Variants in RAET1E observed in about 807,000 individuals in gnomAD.
The protein encoded by RAET1E is retinoic acid early transcript 1E, also known as NKG2D ligand 4.
RAET1E carries 27 observed loss-of-function variants against 21.1 expected under a neutral mutation model. The observed-to-expected ratio is 1.28, with a 90% confidence interval of 0.94 to 1.76. RAET1E has a LOEUF of 1.76. Among genes scored for constraint, RAET1E ranks in the 40% most tolerant of loss-of-function variants. The probability of loss-of-function intolerance (pLI) is 0.00; values close to 1 mark genes in which losing one functional copy is unlikely to be tolerated. For synonymous variants in RAET1E, 113 were observed against 115.0 expected (o/e 0.98, Z 0.11); for missense variants, 310 against 311.3 (o/e 1.00, Z 0.03).
rs1294413804 is a variant in RAET1E, at chr6:149,889,627, C to T, written c.347-4G>A. On this transcript the variant is annotated splice_region_variant and splice_polypyrimidine_tract_variant and intron_variant, in intron 4 of 5. Transcript: ENST00000357183. ...TCGACTTGCAGAGTGGAAGGATCTGCAATCCAAACACAAAGCCATCATCCT... is the reference window on the plus strand; with the variant it reads ...TCGACTTGCAGAGTGGAAGGATCTGTAATCCAAACACAAAGCCATCATCCT... The T allele has an allele frequency of 6.2e-7, 1 of 1,613,570 alleles. No homozygotes were observed. Among genetic ancestry groups the T allele is most frequent in the South Asian group, 1.1e-5 (1 of 91,004 alleles).
At chr6:149,893,100 G>A (rs1777977268) in intron 2 of RAET1E, among the ~76,000 whole-genome samples, 2 of 152,158 alleles carry the variant, frequency 1.3e-5, no homozygotes, top group Non-Finnish European at 2.9e-5. Context: ...TTTGGTTACT[G>A]TAGACTTGTA....
rs144320919 is a variant in RAET1E at position 149,895,228 on chromosome 6, C to T, written c.-134+618G>A. 8.0e-3 allele frequency among the ~76,000 whole-genome samples: 1,226 copies of T among 152,338 alleles called. 11 individuals are homozygous for T. Among genetic ancestry groups the T allele is most frequent in the African/African-American group, 0.027 (1,120 of 41,576 alleles). On this transcript the variant is annotated intron_variant, in intron 2 of 5. Coordinates refer to ENST00000357183, the MANE Select transcript of RAET1E (RefSeq NM_001394057.1). ...TGGGAGGTGTCTCCCAGTCAGTATA[C>T]GTGGGTGTCAGGCACCCACTTGAGG...
At chr6:149,894,872 T>C (rs576037234) in intron 2 of RAET1E, among the ~76,000 whole-genome samples, 6 of 152,326 alleles carry the variant, frequency 3.9e-5, no homozygotes, top group Non-Finnish European at 7.3e-5. Context: ...TTTTGGAATT[T>C]TCAGGCTTTG....
intron 2 of RAET1E, among the ~76,000 whole-genome samples, chr6:149,892,278 G>A (rs1203360413): frequency 6.6e-6 from 1 of 152,200 alleles, no homozygotes; most frequent in Non-Finnish European, 1.5e-5. Context: ...GTAAGGAATT[G>A]CCACACTGTC....
Position 149,889,920 on chromosome 6 carries a change from A to G in RAET1E, c.311T>C (p.Leu104Pro). Residue 104 changes from leucine to proline, a missense_variant, in exon 4 of 6, where the codon CTC becomes CCC. Physicochemically the swap from Leu to Pro is moderately conservative, Grantham distance 98. Coordinates refer to ENST00000357183, the MANE Select transcript of RAET1E (RefSeq NM_001394057.1). Reference sequence around the variant, plus strand: ...TATCTGGGGTTTGATGTCACAAAGGAGCATCCTGAGGTCTCGCCCCACTTC... The same window carrying G: ...TATCTGGGGTTTGATGTCACAAAGGGGCATCCTGAGGTCTCGCCCCACTTC... ...LGEVGRDLRMLLCDIKPQIKT... is the reference protein window; with the variant it reads ...LGEVGRDLRMPLCDIKPQIKT... The G allele has an allele frequency of 6.2e-7, 1 of 1,613,974 alleles. No homozygotes were observed. The highest frequency in any genetic ancestry group is 1.3e-5 in the African/African-American group (1 of 74,982).
chr6:149,893,813 A>G (rs1203071766), intron 2 of RAET1E, among the ~76,000 whole-genome samples: 1 of 152,206 alleles, frequency 6.6e-6, no homozygotes, highest in East Asian at 1.9e-4. Context: ...GTTTTTGCCC[A>G]TTCAGTATGA....
chr6:149,888,980 T>C, intron 5 of RAET1E: 1 of 854,158 alleles, frequency 1.2e-6, no homozygotes. Context: ...TAATTCTGTG[T>C]GGGGAAGGTG....
In RAET1E at chr6:149,884,646, A is replaced by T. The variant is rs954181302; in HGVS notation, c.*3852T>A. ...ATTGTTCACATTCTGCCTCTCTGTC[A>T]TCTAGTTTATGATTGTTCACTTTCC... On this transcript the variant is annotated 3_prime_UTR_variant, in exon 6 of 6. Coordinates refer to ENST00000357183, the MANE Select transcript of RAET1E (RefSeq NM_001394057.1). 8 of 717,154 alleles carry T rather than the reference A, an allele frequency of 1.1e-5. No homozygotes were observed. The highest frequency in any genetic ancestry group is 1.9e-5 in the Non-Finnish European group (8 of 417,990). The allele number at this position is 717,154 out of a possible 1,614,324, so 44.4% of individuals were successfully genotyped here. A position where few individuals can be genotyped will look rare whatever the true frequency, so the allele number is the denominator to read the frequency against.
Position 149,889,882 on chromosome 6 carries a change from T to C in RAET1E, c.346+3A>G, listed in dbSNP as rs1309798584. On this transcript the variant is annotated splice_donor_region_variant and intron_variant, in intron 4 of 5. Transcript: ENST00000357183. ...CTGTTTGCCCACCCCATTCCACACT[T>C]ACCACTGGTCTTTATCTGGGGTTTG... is the stretch of plus-strand genomic sequence containing the variant. 1 of 1,612,850 alleles carries C rather than the reference T, an allele frequency of 6.2e-7. No homozygotes were observed. Among genetic ancestry groups the C allele is most frequent in the South Asian group, 1.1e-5 (1 of 91,008 alleles).
chr6:149,891,198 C>T (rs902806771), intron 2 of RAET1E, among the ~76,000 whole-genome samples, 164 bp from the exon 3 acceptor site: 10 of 152,182 alleles, frequency 6.6e-5, no homozygotes, highest in African/African-American at 2.2e-4. Flanking sequence ...AAAAAAACCC[C>T]CTCTGGTGTG....
chr6:149,890,487 A>T (rs1159980209), intron 3 of RAET1E, among the ~76,000 whole-genome samples: 2 of 152,222 alleles, frequency 1.3e-5, no homozygotes, highest in Non-Finnish European at 2.9e-5. Context: ...AGCTGAACAC[A>T]CATGACATTC....
rs1306745660 is a variant in RAET1E at position 149,885,098 on chromosome 6, A to C, written c.*3400T>G. ...ACCTAGAGACCCCTCAACCTTTGGC[A>C]TGTGATATACTTTCCCATGGTCAGA... is the stretch of plus-strand genomic sequence containing the variant. On this transcript the variant is annotated 3_prime_UTR_variant, in exon 6 of 6. Transcript: ENST00000357183. Among the ~76,000 whole-genome samples the C allele has an allele frequency of 6.6e-6, 1 of 152,166 alleles. No homozygotes were observed. The highest frequency in any genetic ancestry group is 1.9e-4 in the East Asian group (1 of 5,192).
At chr6:149,889,266 G>GCA in intron 5 of RAET1E, 82 bp downstream of exon 5, 2 of 1,546,812 alleles carry the variant, frequency 1.3e-6, no homozygotes, top group South Asian at 1.2e-5. Context: ...ATTTTCTATC[G>GCA]CACACACACA....
intron 2 of RAET1E, among the ~76,000 whole-genome samples, chr6:149,894,544 T>C (rs1005266579): frequency 5.9e-5 from 9 of 152,160 alleles, no homozygotes; most frequent in Admixed American, 1.3e-4. Context: ...ATCACTGATA[T>C]CCTTTCTTCC....
rs1777648926 is a variant in RAET1E, at chr6:149,887,191, C to T, written c.*1307G>A. Among the ~76,000 whole-genome samples, 2 of 152,206 alleles carry T rather than the reference C, an allele frequency of 1.3e-5. No individual in the cohort carries two copies. The highest frequency in any genetic ancestry group is 4.8e-5 in the African/African-American group (2 of 41,452). ...TATGGAGGTCCCACCTCCTTTAAAT[C>T]CCTACTGTTCAGACCCAGCTTCTAA... On this transcript the variant is annotated 3_prime_UTR_variant, in exon 6 of 6. Transcript: ENST00000357183.
intron 5 of RAET1E, chr6:149,889,000 T>C (rs1777753155): frequency 1.9e-6 from 2 of 1,070,220 alleles, no homozygotes; most frequent in African/African-American, 1.6e-5. Flanking sequence ...GGGGAAGGCT[T>C]CCTAAGAAGT....
Position 149,890,875 on chromosome 6 carries a change from G to C in RAET1E, c.27C>G (p.Ser9Arg), listed in dbSNP as rs774201828. 2.5e-6 allele frequency: 4 copies of C among 1,613,304 alleles called. No individual in the cohort carries two copies. The Middle Eastern group carries it at 6.6e-4, about 266-fold the overall frequency. The change falls in exon 3 of 6, where the codon AGC becomes AGG. Residue 9 changes from serine to arginine, a missense_variant. Transcript: ENST00000357183. MRRISLTS[S>R]PVRLLLFLLL... ...GCAGAAACAAAAGAAGGCGCACAGG[G>C]CTAGAAGTCAGGGATATTCTTCGCA...
intron 2 of RAET1E, among the ~76,000 whole-genome samples, chr6:149,894,483 C>G (rs1256952022): frequency 6.6e-6 from 1 of 152,062 alleles, no homozygotes; most frequent in Non-Finnish European, 1.5e-5. Flanking sequence ...CCTTTTTATT[C>G]TTTTTTCTCT....
intron 2 of RAET1E, among the ~76,000 whole-genome samples, chr6:149,893,924 T>G (rs1479835033): frequency 6.6e-6 from 1 of 152,216 alleles, no homozygotes; most frequent in African/African-American, 2.4e-5. Flanking sequence ...GGTGTTGAAT[T>G]TTATCAAAGT....
Sources: allele counts gnomAD v4.1 joint callset (sites outside exome capture counted in the v4.1 genomes callset), GRCh38; gene constraint gnomAD v4.1.1; transcripts MANE v1.5; gene names NCBI Gene and HGNC (gene_info 2026-07-23, HGNC 2026-07-21).